Variants in ADAMTS16 observed in about 807,000 individuals in gnomAD.
The protein encoded by ADAMTS16 is ADAM metallopeptidase with thrombospondin type 1 motif 16, also known as A disintegrin and metalloproteinase with thrombospondin motifs 16.
A neutral mutation model predicts 145.8 loss-of-function variants in ADAMTS16; 94 were observed. The ratio of observed to expected loss-of-function variants is 0.64; its 90% CI spans 0.55 to 0.77. The LOEUF is 0.77. Among genes scored for constraint, ADAMTS16 ranks in the 30% least tolerant of loss-of-function variants. ADAMTS16 has a pLI of 0.00. For missense variants in ADAMTS16, 1,585 were observed against 1,591.5 expected, an observed-to-expected ratio of 1.00 and a Z score of 0.07; for synonymous variants, 659 against 604.3, an observed-to-expected ratio of 1.09 and a Z score of -1.33.
At chr5:5,180,457 C>T (rs1396740228) in intron 3 of ADAMTS16, among the ~76,000 whole-genome samples, 1 of 152,178 alleles carries the variant, frequency 6.6e-6, no homozygotes, top group Non-Finnish European at 1.5e-5. Context: ...GATGCACAGA[C>T]CTGAACTTGA....
chr5:5,152,020 T>A (rs1734477813), intron 3 of ADAMTS16, among the ~76,000 whole-genome samples: 1 of 152,238 alleles, frequency 6.6e-6, no homozygotes, highest in South Asian at 2.1e-4. Context: ...TGTGTCTGGC[T>A]TATTTCACTT....
At position 5,144,089 on chromosome 5, in the gene ADAMTS16, A is replaced by T. The variant is rs558332730; in HGVS notation, c.176-2041A>T. On this transcript the variant is annotated intron_variant, in intron 2 of 22. Transcript: ENST00000274181. ...ATGTATACCTATGTAACAAACCTGT[A>T]CGTTCTACACATGTATCCCAGAACT... is the stretch of plus-strand genomic sequence containing the variant. Among the ~76,000 whole-genome samples, 30 of 151,624 alleles carry T rather than the reference A, an allele frequency of 2.0e-4. No homozygotes were observed. The South Asian group carries it at 6.2e-3, about 32-fold the overall frequency.
chr5:5,289,190 C>G (rs975947014), intron 18 of ADAMTS16, among the ~76,000 whole-genome samples: 11 of 144,954 alleles, frequency 7.6e-5, no homozygotes, highest in African/African-American at 2.7e-4. Context: ...AATTAAACCA[C>G]TCAACAGATA....
chr5:5,308,918 C>G (rs1740300311), intron 21 of ADAMTS16, among the ~76,000 whole-genome samples: 1 of 149,188 alleles, frequency 6.7e-6, no homozygotes, highest in East Asian at 2.0e-4. Flanking sequence ...CCACTACACT[C>G]CAGTCTGGGT....
intron 4 of ADAMTS16, among the ~76,000 whole-genome samples, chr5:5,185,444 A>C (rs78809180): frequency 0.023 from 3,441 of 152,356 alleles, 122 homozygotes; most frequent in African/African-American, 0.077. Flanking sequence ...GATTACTTCA[A>C]GAGGAAAGTG....
chr5:5,177,571 CACA>C (rs1439338366), intron 3 of ADAMTS16, among the ~76,000 whole-genome samples: 1 of 152,022 alleles, frequency 6.6e-6, no homozygotes, highest in African/African-American at 2.4e-5. Context: ...CATATAATCA[CACA>C]ACAAGAATTA....
intron 8 of ADAMTS16, among the ~76,000 whole-genome samples, chr5:5,195,475 G>A (rs1414232613): frequency 6.6e-6 from 1 of 152,186 alleles, no homozygotes; most frequent in Non-Finnish European, 1.5e-5. Context: ...GTCTGATAGT[G>A]ACCAGGGAGG....
intron 18 of ADAMTS16, among the ~76,000 whole-genome samples, chr5:5,302,533 C>G (rs984141122): frequency 6.6e-6 from 1 of 152,084 alleles, no homozygotes; most frequent in Non-Finnish European, 1.5e-5. Flanking sequence ...AATCCTGTAA[C>G]CAGCAAAACA....
chr5:5,141,818 G>A (rs270197), intron 2 of ADAMTS16, among the ~76,000 whole-genome samples: 151,704 of 152,258 alleles, frequency 1, 75,596 homozygotes, highest in Middle Eastern at 1. Context: ...GGTGACCGGT[G>A]TCAGATTGAC....
intron 8 of ADAMTS16, among the ~76,000 whole-genome samples, chr5:5,192,331 C>T (rs909483399): frequency 1.2e-4 from 18 of 152,130 alleles, no homozygotes; most frequent in Non-Finnish European, 2.1e-4. Flanking sequence ...GTGTTTTGAA[C>T]GTGGTCTGGT....
rs1456081255 is a variant in ADAMTS16, at chr5:5,286,885, A to AATG, written c.2790-16383_2790-16382insATG. On this transcript the variant is annotated intron_variant, in intron 18 of 22. Transcript: ENST00000274181. ...AAAAAAAAAAAAAAAAAAAAAAAAG[A>AATG]GTTTTTATAACCCTTTAGTATGTGC... Among the ~76,000 whole-genome samples, 21 of 52,200 alleles carry AATG rather than the reference A, an allele frequency of 4.0e-4. 2 individuals are homozygous for AATG. The highest frequency in any genetic ancestry group is 7.5e-4 in the South Asian group (1 of 1,342). The allele number at this position is 52,200 out of a possible 152,430, so 34.2% of individuals were successfully genotyped here.
intron 21 of ADAMTS16, 80 bp from the exon 22 acceptor site, chr5:5,318,054 T>G: frequency 1.6e-6 from 2 of 1,269,600 alleles, no homozygotes; most frequent in Non-Finnish European, 2.0e-6. Flanking sequence ...AGCAGGCCTT[T>G]TAGAAAGGTG....
chr5:5,179,516 G>A (rs1420459332), intron 3 of ADAMTS16, among the ~76,000 whole-genome samples: 2 of 152,158 alleles, frequency 1.3e-5, no homozygotes, highest in African/African-American at 4.8e-5. Flanking sequence ...GACTGCTTAC[G>A]CTTCTCAGTT....
At chr5:5,285,813 T>C (rs917554450) in intron 18 of ADAMTS16, among the ~76,000 whole-genome samples, 2 of 152,202 alleles carry the variant, frequency 1.3e-5, no homozygotes, top group African/African-American at 4.8e-5. Flanking sequence ...ACAAACCATA[T>C]ATTAGATATC....
At position 5,146,231 on chromosome 5, in the gene ADAMTS16, G is replaced by A. The variant is rs754990351; in HGVS notation, c.277G>A (p.Glu93Lys). The A allele has an allele frequency of 9.3e-6, 15 of 1,614,022 alleles. No individual in the cohort carries two copies. Among genetic ancestry groups the A allele is most frequent in the East Asian group, 6.7e-5 (3 of 44,874 alleles). ...GCGGAGAAGAGCAGTGCCCGTGTCC[G>A]AGGTTGAGTCTCTTCACCTTCGGCT... ...QRRRRAVPVSEVESLHLRLKG... is the reference protein window; with the variant it reads ...QRRRRAVPVSKVESLHLRLKG... The change falls in exon 3 of 23, where the codon GAG becomes AAG. Residue 93 changes from glutamate (E) to lysine (K), a missense_variant. By Grantham distance (56) the Glu-to-Lys change is moderately conservative. Coordinates refer to ENST00000274181, the MANE Select transcript of ADAMTS16 (RefSeq NM_139056.4).
At chr5:5,265,406 G>A (rs2913663) in intron 18 of ADAMTS16, among the ~76,000 whole-genome samples, 42,596 of 152,062 alleles carry the variant, frequency 0.28, 6,038 homozygotes, top group East Asian at 0.37. Flanking sequence ...CGTGAAGAAG[G>A]GTTGGTCCTT....
At chr5:5,264,105 G>A (rs1454654982) in intron 18 of ADAMTS16, among the ~76,000 whole-genome samples, 7 of 152,102 alleles carry the variant, frequency 4.6e-5, no homozygotes, top group Admixed American at 3.9e-4. Context: ...GATGGGGGCC[G>A]GCCAGGCCAT....
rs201552637 is a variant in ADAMTS16 at position 5,269,515 on chromosome 5, T to A, written c.2789+6732T>A. Among the ~76,000 whole-genome samples, 1 of 152,154 alleles carries A rather than the reference T, an allele frequency of 6.6e-6. No individual in the cohort carries two copies. Among genetic ancestry groups the A allele is most frequent in the Admixed American group, 6.5e-5 (1 of 15,284 alleles). ...ATCTCCCTGCCCCACACTCTCCACC[T>A]GGGACCTCAGACTAAAGAGAAGGAA... On this transcript the variant is annotated intron_variant, in intron 18 of 22. Coordinates refer to ENST00000274181, the MANE Select transcript of ADAMTS16 (RefSeq NM_139056.4). This position sits in a 1 kb window ranked among gnomAD's most constrained non-coding sequence, Gnocchi z 4.3.
intron 11 of ADAMTS16, chr5:5,223,600 T>C (rs1579322039): frequency 6.6e-6 from 1 of 152,150 alleles, no homozygotes; most frequent in East Asian, 1.9e-4. Flanking sequence ...AATCTACCCA[T>C]GTAACAAATC....
Sources: allele counts gnomAD v4.1 joint callset (sites outside exome capture counted in the v4.1 genomes callset), GRCh38; gene constraint gnomAD v4.1.1; non-coding constraint Gnocchi (gnomAD v3.1); transcripts MANE v1.5; gene names NCBI Gene and HGNC (gene_info 2026-07-23, HGNC 2026-07-21).